Variants in RADIL observed in about 807,000 individuals in gnomAD.
RADIL encodes ras-associating and dilute domain-containing protein.
In RADIL, 99 loss-of-function variants were observed where a neutral mutation model predicts 97.6. The ratio of observed to expected loss-of-function variants is 1.01; its 90% CI spans 0.86 to 1.20. RADIL has a LOEUF of 1.20. Among genes scored for constraint, RADIL ranks in the 50% most tolerant of loss-of-function variants. The pLI, the probability that RADIL is intolerant of heterozygous loss-of-function variation, is 0.00. For synonymous variants in RADIL, 803 were observed against 691.8 expected (o/e 1.16, Z -2.52); for missense variants, 1,765 against 1,498.9 (o/e 1.18, Z -2.93).
Position 4,815,760 on chromosome 7 carries a change from A to C in RADIL, c.1967-310T>G, listed in dbSNP as rs1319674165. ...ACACATGTGCCGGGGGCCTGCCCCCACCTGGGTCTCCCCACGCCCCACAGT... is the reference window on the plus strand; with the variant it reads ...ACACATGTGCCGGGGGCCTGCCCCCCCCTGGGTCTCCCCACGCCCCACAGT... On this transcript the variant is annotated intron_variant, in intron 8 of 14. Transcript: ENST00000399583. This position sits in a 1 kb window ranked among gnomAD's most constrained non-coding sequence, Gnocchi z 8.0. 6.6e-6 allele frequency among the ~76,000 whole-genome samples: 1 copy of C among 151,996 alleles called. No individual in the cohort carries two copies. Among genetic ancestry groups the C allele is most frequent in the Non-Finnish European group, 1.5e-5 (1 of 67,962 alleles).
At position 4,819,494 on chromosome 7, in the gene RADIL, C is replaced by T. The variant is rs1323900420; in HGVS notation, c.1616-2143G>A. Among the ~76,000 whole-genome samples, 2 of 152,232 alleles carry T rather than the reference C, an allele frequency of 1.3e-5. No homozygotes were observed. Among genetic ancestry groups the T allele is most frequent in the African/African-American group, 4.8e-5 (2 of 41,536 alleles). On this transcript the variant is annotated intron_variant, in intron 6 of 14. Coordinates refer to ENST00000399583, the MANE Select transcript of RADIL (RefSeq NM_018059.5). This position sits in a 1 kb window ranked among gnomAD's most constrained non-coding sequence, Gnocchi z 5.8. Reference sequence around the variant, plus strand: ...CCAGCCGGCTGCCCCTGCCCTGCCCCGAAACTCCAGGACCCCTGAGGAAGC... The same window carrying T: ...CCAGCCGGCTGCCCCTGCCCTGCCCTGAAACTCCAGGACCCCTGAGGAAGC...
intron 2 of RADIL, among the ~76,000 whole-genome samples, chr7:4,868,418 G>T (rs1003390963): frequency 1.3e-5 from 2 of 152,188 alleles, no homozygotes; most frequent in Non-Finnish European, 1.5e-5. Flanking sequence ...CTCTGGATTA[G>T]CTATCAGCAA....
intron 2 of RADIL, among the ~76,000 whole-genome samples, chr7:4,855,040 C>A (rs1323251831): frequency 1.3e-5 from 2 of 152,218 alleles, no homozygotes; most frequent in African/African-American, 2.4e-5. Context: ...TGGTATCACA[C>A]TGTGTGCATT....
At position 4,819,797 on chromosome 7, in the gene RADIL, C is replaced by A. The variant is rs1352930213; in HGVS notation, c.1616-2446G>T. The stretch of plus-strand genomic sequence containing the variant: ...CTATTTCCCACTCTGTTCCCTGGTG[C>A]CTGCCTGGCCCTCGACACCCGGAGC... On this transcript the variant is annotated intron_variant, in intron 6 of 14. Transcript: ENST00000399583. This position sits in a 1 kb window ranked among gnomAD's most constrained non-coding sequence, Gnocchi z 5.8. Among the ~76,000 whole-genome samples, 1 of 152,238 alleles carries A rather than the reference C, an allele frequency of 6.6e-6. No homozygotes were observed. Among genetic ancestry groups the A allele is most frequent in the African/African-American group, 2.4e-5 (1 of 41,466 alleles).
At chr7:4,810,252 G>A (rs983450655) in intron 9 of RADIL, among the ~76,000 whole-genome samples, 1 of 152,120 alleles carries the variant, frequency 6.6e-6, no homozygotes, top group Non-Finnish European at 1.5e-5. Context: ...CAAACCCCCT[G>A]TGCTTAAGCA....
chr7:4,877,987 G>T lies in RADIL; in HGVS notation c.153C>A (p.Asp51Glu). The T allele has an allele frequency of 6.2e-7, 1 of 1,609,600 alleles. No homozygotes were observed. Among genetic ancestry groups the T allele is most frequent in the East Asian group, 2.2e-5 (1 of 44,666 alleles). ...STFSSLGASD[D>E]PAELSTQLSA... ...ACAGCTGGGTGGAGAGCTCGGCGGG[G>T]TCATCGCTGGCGCCCAGGCTGGAGA... Residue 51 changes from aspartate (D) to glutamate (E), a missense_variant, in exon 2 of 15, where the codon GAC becomes GAA. By Grantham distance (45) the Asp-to-Glu change is conservative. Transcript: ENST00000399583.
intron 2 of RADIL, among the ~76,000 whole-genome samples, chr7:4,852,205 G>C (rs979386850): frequency 6.6e-6 from 1 of 152,150 alleles, no homozygotes; most frequent in Non-Finnish European, 1.5e-5. Flanking sequence ...AAAAATGAAG[G>C]GGGTGGCTAC....
At chr7:4,809,687 A>T (rs116147303) in intron 9 of RADIL, 25,099 of 901,478 alleles carry the variant, frequency 0.028, 388 homozygotes, top group Middle Eastern at 0.057. Flanking sequence ...TATTTTATTT[A>T]ATTGATTTAT....
In RADIL at chr7:4,849,252, T is replaced by C. The variant is rs1292108997; in HGVS notation, c.536-12647A>G. ...GAACGGCTATGGCAGAGAACTGCTG[T>C]TTTGCTTTTAATCGGTAATGAGAAA... On this transcript the variant is annotated intron_variant, in intron 2 of 14. Coordinates refer to ENST00000399583, the MANE Select transcript of RADIL (RefSeq NM_018059.5). The surrounding 1 kb of genome is among the most constrained non-coding windows in gnomAD (Gnocchi z 5.4). Among the ~76,000 whole-genome samples the C allele has an allele frequency of 6.6e-6, 1 of 152,216 alleles. No individual in the cohort carries two copies. Among genetic ancestry groups the C allele is most frequent in the Non-Finnish European group, 1.5e-5 (1 of 68,048 alleles).
rs778290569 is a variant in RADIL, at chr7:4,801,999, G to T, written c.2500-4C>A. 2 of 1,496,904 alleles carry T rather than the reference G, an allele frequency of 1.3e-6. No homozygotes were observed. Among genetic ancestry groups the T allele is most frequent in the Non-Finnish European group, 1.8e-6 (2 of 1,124,538 alleles). The allele number at this position is 1,496,904 out of a possible 1,614,324, so 92.7% of individuals were successfully genotyped here. ...CAAGGACCACGTGGTGCATACCCTA[G>T]GGAGAGGAAGGGTGACAGCTCAGGT... On this transcript the variant is annotated splice_region_variant and splice_polypyrimidine_tract_variant and intron_variant, in intron 11 of 14. Coordinates refer to ENST00000399583, the MANE Select transcript of RADIL (RefSeq NM_018059.5).
At chr7:4,848,683 A>T (rs938226157) in intron 2 of RADIL, among the ~76,000 whole-genome samples, 8 of 151,656 alleles carry the variant, frequency 5.3e-5, no homozygotes, top group Admixed American at 1.3e-4. Context: ...TTATTAATTT[A>T]AAAAAAAACA....
chr7:4,860,298 C>T, intron 2 of RADIL: 1 of 1,613,918 alleles, frequency 6.2e-7, no homozygotes, highest in Non-Finnish European at 8.5e-7. Flanking sequence ...GCTTTCTTGT[C>T]CTGAAGCACA....
chr7:4,853,699 G>A (rs901495858), intron 2 of RADIL, among the ~76,000 whole-genome samples: 10 of 139,814 alleles, frequency 7.2e-5, no homozygotes, highest in African/African-American at 2.2e-4. Flanking sequence ...CCGAGATCAC[G>A]CCACTGCACT....
chr7:4,811,249 G>A (rs1186824011), intron 9 of RADIL: 1 of 152,104 alleles, frequency 6.6e-6, no homozygotes, highest in East Asian at 1.9e-4. Context: ...GTAACTGGTT[G>A]TGATGAATTA....
chr7:4,852,838 T>C (rs1442335647), intron 2 of RADIL, among the ~76,000 whole-genome samples: 1 of 152,176 alleles, frequency 6.6e-6, no homozygotes, highest in Non-Finnish European at 1.5e-5. Flanking sequence ...CCACCGCGCC[T>C]GGCCCATTTC....
chr7:4,817,502 G>A lies in RADIL; in HGVS notation c.1616-151C>T. 1 of 647,108 alleles carries A rather than the reference G, an allele frequency of 1.5e-6. No individual in the cohort carries two copies. The highest frequency in any genetic ancestry group is 2.6e-6 in the Non-Finnish European group (1 of 382,050). The allele number at this position is 647,108 out of a possible 1,614,324, so 40.1% of individuals were successfully genotyped here. On this transcript the variant is annotated intron_variant, in intron 6 of 14. Transcript: ENST00000399583. The surrounding 1 kb of genome is among the most constrained non-coding windows in gnomAD (Gnocchi z 8.3). ...GCGATAAACTGGCCGAGGGACTCTG[G>A]GCCCTGGCTGGGACGAGCGCAGCAA...
chr7:4,809,403 G>A, intron 9 of RADIL: 1 of 985,428 alleles, frequency 1.0e-6, no homozygotes, highest in Non-Finnish European at 1.2e-6. Flanking sequence ...CCTGAGTGTC[G>A]CTGCTGCCTC....
In RADIL at chr7:4,876,772, G is replaced by T. The variant is rs527828050; in HGVS notation, c.535+833C>A. Among the ~76,000 whole-genome samples the T allele has an allele frequency of 8.6e-4, 131 of 152,284 alleles. 1 individual carries two copies. The highest frequency in any genetic ancestry group is 2.9e-3 in the African/African-American group (119 of 41,566). On this transcript the variant is annotated intron_variant, in intron 2 of 14. Coordinates refer to ENST00000399583, the MANE Select transcript of RADIL (RefSeq NM_018059.5). ...TCAGACCGACAATGATCGGCTGCCCGTGGCCAGGCCCTCCTCAGGAAGGCC... is the reference window on the plus strand; with the variant it reads ...TCAGACCGACAATGATCGGCTGCCCTTGGCCAGGCCCTCCTCAGGAAGGCC...
intron 9 of RADIL, among the ~76,000 whole-genome samples, chr7:4,810,150 G>C (rs1431296838): frequency 6.6e-6 from 1 of 150,384 alleles, no homozygotes; most frequent in Non-Finnish European, 1.5e-5. Context: ...ACCATGCCCG[G>C]CCTTATTTAT....
Sources: gnomAD v4.1 joint callset for allele counts (sites outside exome capture counted in the v4.1 genomes callset) on GRCh38, gnomAD v4.1.1 for gene constraint, Gnocchi (gnomAD v3.1) non-coding constraint, MANE v1.5 for transcripts, NCBI Gene and HGNC (gene_info 2026-07-23, HGNC 2026-07-21) for gene names.